Variants in PRR12 observed in about 807,000 individuals in gnomAD.
PRR12 encodes proline rich 12, also known as proline-rich protein 12.
PRR12 carries 12 observed loss-of-function variants against 138.0 expected under a neutral mutation model. The observed-to-expected ratio is 0.09, with a 90% CI of 0.06 to 0.14. The LOEUF (loss-of-function observed/expected upper bound fraction) is 0.14. Ranked by LOEUF, PRR12 falls within the 10% of genes least tolerant of loss-of-function variation. The pLI, the probability that PRR12 is intolerant of heterozygous loss-of-function variation, is 1.00. For missense variants in PRR12, 2,692 were observed against 2,861.3 expected, an observed-to-expected ratio of 0.94 and a Z score of 1.35; for synonymous variants, 1,567 against 1,291.7, an observed-to-expected ratio of 1.21 and a Z score of -4.57.
In PRR12 at chr19:49,601,850, G is replaced by A; in HGVS notation, c.4705G>A (p.Gly1569Ser). 1 of 1,612,750 alleles carries A rather than the reference G, an allele frequency of 6.2e-7. No homozygotes were observed. The highest frequency in any genetic ancestry group is 8.5e-7 in the Non-Finnish European group (1 of 1,179,864). ...GETDEEAGES[G>S]GEGIFRERDE... ...GACGGACGAGGAGGCCGGCGAGAGT[G>A]GCGGAGAGGGCATCTTCCGGGAACG... The change falls in exon 6 of 14, where the codon GGC (glycine) becomes AGC (serine). Residue 1569 changes from glycine (G) to serine (S), a missense_variant. By Grantham distance (56) the Gly-to-Ser change is moderately conservative. This residue lies in a region of PRR12 where 92 missense variants were observed against 174.1 expected (regional missense o/e 0.53). Coordinates refer to ENST00000418929, the MANE Select transcript of PRR12 (RefSeq NM_020719.3).
chr19:49,597,105 C>T lies in PRR12; in HGVS notation c.2770C>T (p.Pro924Ser). Residue 924 changes from proline to serine, a missense_variant, in exon 4 of 14, where the codon CCG becomes TCG. Pro to Ser is a moderately conservative substitution (Grantham distance 74). Coordinates refer to ENST00000418929, the MANE Select transcript of PRR12 (RefSeq NM_020719.3). This position sits in a 1 kb window ranked among gnomAD's most constrained non-coding sequence, Gnocchi z 6.3. ...CCCCAGCCCGCAAGGCACCAAGGCG[C>T]CGCGTTTCGTGCCGCTCACCTCCAT... ...RSPSPQGTKA[P>S]RFVPLTSICF... The T allele has an allele frequency of 6.4e-7, 1 of 1,551,184 alleles. No homozygotes were observed. The highest frequency in any genetic ancestry group is 8.7e-7 in the Non-Finnish European group (1 of 1,147,502).
chr19:49,593,622 A>C (rs1025078959), intron 2 of PRR12, among the ~76,000 whole-genome samples, 183 bp downstream of exon 2: 6 of 151,682 alleles, frequency 4.0e-5, no homozygotes, highest in African/African-American at 1.2e-4. Flanking sequence ...TTCTCGCCGG[A>C]TTCGTCCGCC....
At chr19:49,600,221 G>A (rs746910351) in intron 5 of PRR12, among the ~76,000 whole-genome samples, 2 of 152,098 alleles carry the variant, frequency 1.3e-5, no homozygotes, top group East Asian at 1.9e-4. Context: ...CAGGACAGGG[G>A]CTACTCAGGT....
At position 49,597,561 on chromosome 19, in the gene PRR12, T is replaced by C; in HGVS notation, c.3226T>C (p.Ser1076Pro). The C allele has an allele frequency of 6.3e-7, 1 of 1,594,366 alleles. No homozygotes were observed. Among genetic ancestry groups the C allele is most frequent in the Non-Finnish European group, 8.5e-7 (1 of 1,172,398 alleles). ...STKPKKLLKT[S>P]SFHLLRRRDP... The stretch of plus-strand genomic sequence containing the variant: ...CAAGCCAAAGAAGCTGCTCAAGACA[T>C]CCTCCTTCCACCTGCTGCGGCGCCG... Residue 1076 changes from serine (S) to proline (P), a missense_variant, in exon 4 of 14, where the codon TCC (serine) becomes CCC (proline). Physicochemically the swap from Ser to Pro is moderately conservative, Grantham distance 74. Transcript: ENST00000418929. The surrounding 1 kb of genome is among the most constrained non-coding windows in gnomAD (Gnocchi z 6.3).
Position 49,597,458 on chromosome 19 carries a change from C to A in PRR12, c.3123C>A (p.Pro1041=). 6.5e-7 allele frequency: 1 copy of A among 1,541,362 alleles called. No homozygotes were observed. Among genetic ancestry groups the A allele is most frequent in the East Asian group, 2.4e-5 (1 of 40,876 alleles). Residue 1041 remains proline, a synonymous_variant, in exon 4 of 14, where the codon CCC becomes CCA. Transcript: ENST00000418929. This position sits in a 1 kb window ranked among gnomAD's most constrained non-coding sequence, Gnocchi z 6.3. The part of the protein sequence containing the change: ...QSGPHQAAPP[P]PPPPPPPPAP... ...GCCCCCACCAGGCGGCGCCACCACC[C>A]CCGCCTCCGCCACCGCCGCCTCCCG...
chr19:49,594,480 C>A lies in PRR12; in HGVS notation c.226C>A (p.Leu76Ile), dbSNP rs749664118. 2 of 1,611,692 alleles carry A rather than the reference C, an allele frequency of 1.2e-6. No homozygotes were observed. The highest frequency in any genetic ancestry group is 2.2e-5 in the South Asian group (2 of 90,686). ...CCTCTCTGGACTCTTCGACACTGGC[C>A]TCCACCACGCGGGCTCAGCAGGGCC... ...AGLSGLFDTG[L>I]HHAGSAGPDA... is the part of the protein sequence containing the mutation. Residue 76 changes from leucine (L) to isoleucine (I), a missense_variant, in exon 3 of 14, where the codon CTC (leucine) becomes ATC (isoleucine). Physicochemically the swap from Leu to Ile is conservative, Grantham distance 5 (BLOSUM62 2). Around this residue, in one of 11 missense-constraint regions of PRR12, gnomAD observed 211 missense variants for 266.3 expected, o/e 0.79. Transcript: ENST00000418929. The surrounding 1 kb of genome is among the most constrained non-coding windows in gnomAD (Gnocchi z 5.6).
Position 49,617,622 on chromosome 19 carries a change from C to A in PRR12, c.5497+1403C>A, listed in dbSNP as rs570663185. 5.9e-5 allele frequency among the ~76,000 whole-genome samples: 9 copies of A among 152,206 alleles called. No homozygotes were observed. The South Asian group carries it at 6.2e-4, about 11-fold the overall frequency. ...TTCCAGCCAGGGTGACAGAATTAGA[C>A]CCTGTCTCTAAGGATAACTTCTTAA... is the stretch of plus-strand genomic sequence containing the variant. On this transcript the variant is annotated intron_variant, in intron 9 of 13. Coordinates refer to ENST00000418929, the MANE Select transcript of PRR12 (RefSeq NM_020719.3).
chr19:49,611,134 G>A (rs867172067), intron 6 of PRR12, among the ~76,000 whole-genome samples: 5 of 152,100 alleles, frequency 3.3e-5, no homozygotes, highest in South Asian at 2.1e-4. Flanking sequence ...GAGCCACTGC[G>A]CCTGGCCATG....
intron 1 of PRR12, among the ~76,000 whole-genome samples, 155 bp from the exon 2 acceptor site, chr19:49,593,172 T>C (rs2080740691): frequency 6.6e-6 from 1 of 152,048 alleles, no homozygotes; most frequent in Admixed American, 6.5e-5. Flanking sequence ...CCCGATTCCC[T>C]TGTGTTCTCC....
At position 49,625,352 on chromosome 19, in the gene PRR12, G is replaced by T; in HGVS notation, c.5965-109G>T. Reference sequence around the variant, plus strand: ...ACTTAAGAATGCAGCCCCCAGCCCTGGTCTCCCTGGGACACTGACATCTGA... The same window carrying T: ...ACTTAAGAATGCAGCCCCCAGCCCTTGTCTCCCTGGGACACTGACATCTGA... On this transcript the variant is annotated intron_variant, in intron 13 of 13. Coordinates refer to ENST00000418929, the MANE Select transcript of PRR12 (RefSeq NM_020719.3). The surrounding 1 kb of genome is among the most constrained non-coding windows in gnomAD (Gnocchi z 5.5). The T allele has an allele frequency of 7.0e-7, 1 of 1,437,600 alleles. No homozygotes were observed. The allele number at this position is 1,437,600 out of a possible 1,614,324, so 89.1% of individuals were successfully genotyped here.
intron 1 of PRR12, 97 bp from the exon 2 acceptor site, chr19:49,593,230 G>A: frequency 3.8e-6 from 2 of 530,550 alleles, no homozygotes; most frequent in Non-Finnish European, 3.3e-6. Flanking sequence ...ACCCCGGTCA[G>A]CTGGAAGGGT....
intron 11 of PRR12, 38 bp downstream of exon 11, chr19:49,621,660 G>A: frequency 6.7e-7 from 1 of 1,487,972 alleles, no homozygotes; most frequent in Non-Finnish European, 9.1e-7. Context: ...CTGGGGCCCA[G>A]GGTCCACATG....
chr19:49,593,699 T>C (rs1051080287), intron 2 of PRR12, among the ~76,000 whole-genome samples: 4 of 152,044 alleles, frequency 2.6e-5, no homozygotes, highest in African/African-American at 9.7e-5. Context: ...TCCCACCTTC[T>C]CTTCCAGGCT....
chr19:49,601,653 C>T lies in PRR12; in HGVS notation c.4508C>T (p.Pro1503Leu), dbSNP rs940595564. The change falls in exon 6 of 14, where the codon CCG becomes CTG. Residue 1503 changes from proline to leucine, a missense_variant. This residue lies in a region of PRR12 where 231 missense variants were observed against 200.8 expected (regional missense o/e 1.15). Transcript: ENST00000418929. Reference sequence around the variant, plus strand: ...TCACCACCGCCACCGCCGCTGCCGCCGCCACCTCCACCAGCCATGCCCTCG... The same window carrying T: ...TCACCACCGCCACCGCCGCTGCCGCTGCCACCTCCACCAGCCATGCCCTCG... ...PSSPPPPPLPPPPPPAMPSPP... is the reference protein window; with the variant it reads ...PSSPPPPPLPLPPPPAMPSPP... 1.1e-5 allele frequency: 17 copies of T among 1,538,106 alleles called. No homozygotes were observed. In the Middle Eastern group the frequency reaches 9.1e-4, roughly 83 times the overall value.
At chr19:49,612,183 T>C (rs1448581753) in intron 6 of PRR12, among the ~76,000 whole-genome samples, 1 of 149,164 alleles carries the variant, frequency 6.7e-6, no homozygotes, top group African/African-American at 2.5e-5. Context: ...TGAGCCGAGA[T>C]TGCGCCACTG....
rs569376565 is a variant in PRR12 at position 49,614,811 on chromosome 19, G to A, written c.4891-65G>A. 8.6e-5 allele frequency: 139 copies of A among 1,608,292 alleles called. No individual in the cohort carries two copies. Among genetic ancestry groups the A allele is most frequent in the Admixed American group, 2.0e-4 (12 of 59,680 alleles). ...CAGCTGCCATGGTGGCCCAGGGCAC[G>A]GGGGTGTTGGCCATCTGGCTGGGCA... On this transcript the variant is annotated intron_variant, in intron 7 of 13. Transcript: ENST00000418929. This position sits in a 1 kb window ranked among gnomAD's most constrained non-coding sequence, Gnocchi z 5.0.
At chr19:49,600,444 G>C (rs1266336815) in intron 5 of PRR12, among the ~76,000 whole-genome samples, 7 of 151,168 alleles carry the variant, frequency 4.6e-5, no homozygotes. Flanking sequence ...GGAAATGAGA[G>C]GTGGGAGCTT....
Position 49,615,669 on chromosome 19 carries a change from G to C in PRR12, c.5025-78G>C. On this transcript the variant is annotated intron_variant, in intron 8 of 13. Coordinates refer to ENST00000418929, the MANE Select transcript of PRR12 (RefSeq NM_020719.3). ...TGAGAGAAGCTATTCCTGTGCCTAG[G>C]GCACTGAGCAGGGACCCTGAGGAGA... 2.5e-6 allele frequency: 3 copies of C among 1,193,038 alleles called. No individual in the cohort carries two copies. In the Admixed American group the frequency reaches 6.5e-5, roughly 26 times the overall value. 73.9% of individuals were successfully genotyped at this position (1,193,038 alleles called of 1,614,324 possible). A position where few individuals can be genotyped will look rare whatever the true frequency, so the allele number is the denominator to read the frequency against.
chr19:49,604,939 C>A (rs1233884700), intron 6 of PRR12, among the ~76,000 whole-genome samples: 1 of 152,032 alleles, frequency 6.6e-6, no homozygotes, highest in Non-Finnish European at 1.5e-5. Context: ...GCAACTTCTA[C>A]CTCCCTGGTT....
Sources: allele counts gnomAD v4.1 joint callset (sites outside exome capture counted in the v4.1 genomes callset), GRCh38; gene constraint gnomAD v4.1.1; regional missense constraint gnomAD v4.1.1; non-coding constraint Gnocchi (gnomAD v3.1); transcripts MANE v1.5; gene names NCBI Gene and HGNC (gene_info 2026-07-23, HGNC 2026-07-21).